The following CHD9NB variants were observed in gnomAD, a reference collection of about 807,000 sequenced individuals.
CHD9NB encodes CHD9 neighbor.
chr16:53,035,856 T>A, the CHD9NB span: 1 of 152,064 alleles, frequency 6.6e-6, no homozygotes, highest in South Asian at 2.1e-4. Context: ...TTTTAGCCAC[T>A]TGGAAGGCTG....
chr16:53,042,501 TC>T, the CHD9NB span, among the ~76,000 whole-genome samples: 8 of 140,960 alleles, frequency 5.7e-5, no homozygotes, highest in Non-Finnish European at 9.2e-5. Flanking sequence ...TTCTCTCCCT[TC>T]CCCCCTCCTC....
chr16:53,040,009 T>G, the CHD9NB span, among the ~76,000 whole-genome samples: 16 of 152,068 alleles, frequency 1.1e-4, no homozygotes, highest in Admixed American at 7.2e-4. Context: ...GACACCCCAC[T>G]GCGCCCATCA....
chr16:53,049,654 G>T, the CHD9NB span, among the ~76,000 whole-genome samples: 33,860 of 152,044 alleles, frequency 0.22, 4,079 homozygotes, highest in South Asian at 0.34. Context: ...AGAAGGATGC[G>T]CAGAATATCA....
At chr16:53,048,677 T>C in the CHD9NB span, among the ~76,000 whole-genome samples, 2 of 152,276 alleles carry the variant, frequency 1.3e-5, 1 homozygote, top group Admixed American at 1.3e-4. Flanking sequence ...CTGTGCAGTT[T>C]ACAGAACTTT....
the CHD9NB span, among the ~76,000 whole-genome samples, chr16:53,046,442 C>A: frequency 5.3e-5 from 8 of 151,640 alleles, no homozygotes; most frequent in Non-Finnish European, 7.4e-5. Context: ...TTTAGGAGGC[C>A]GAGGCGGGTG....
At chr16:53,044,403 C>T in the CHD9NB span, 1 of 377,706 alleles carries the variant, frequency 2.6e-6, no homozygotes, top group Non-Finnish European at 4.7e-6. Context: ...GTGCCCCATT[C>T]ATTCCACCAG....
the CHD9NB span, among the ~76,000 whole-genome samples, chr16:53,045,431 C>A: frequency 1.3e-5 from 2 of 152,272 alleles, no homozygotes; most frequent in South Asian, 4.1e-4. Context: ...CTTAGTGAAG[C>A]CTCGTGTTCT....
the CHD9NB span, chr16:53,042,685 C>T: frequency 6.6e-6 from 1 of 152,174 alleles, no homozygotes; most frequent in African/African-American, 2.4e-5. Flanking sequence ...ACATACTTCT[C>T]AATAGGCAGG....
chr16:53,048,575 C>T, the CHD9NB span, among the ~76,000 whole-genome samples: 1 of 152,236 alleles, frequency 6.6e-6, no homozygotes, highest in African/African-American at 2.4e-5. Flanking sequence ...CACTCACTTA[C>T]TCATTCAAAC....
chr16:53,041,352 C>T, the CHD9NB span, among the ~76,000 whole-genome samples: 1 of 152,154 alleles, frequency 6.6e-6, no homozygotes, highest in South Asian at 2.1e-4. Context: ...CAGTGGATAA[C>T]GGGAATGTCC....
the CHD9NB span, chr16:53,043,573 A>G: frequency 6.4e-6 from 1 of 155,078 alleles, no homozygotes; most frequent in African/African-American, 2.4e-5. Context: ...GGAGAAAGAA[A>G]GAGAGCAAAC....
the CHD9NB span, among the ~76,000 whole-genome samples, chr16:53,039,328 T>A: frequency 6.6e-5 from 10 of 152,190 alleles, no homozygotes; most frequent in African/African-American, 1.7e-4. Context: ...TCTGCTCCAC[T>A]CTGCTCTGTG....
At chr16:53,038,010 A>C in the CHD9NB span, among the ~76,000 whole-genome samples, 3 of 152,228 alleles carry the variant, frequency 2.0e-5, no homozygotes, top group Non-Finnish European at 4.4e-5. Context: ...GACCCAGGAA[A>C]GCCAGTGGTG....
At chr16:53,052,493 G>A in the CHD9NB span, among the ~76,000 whole-genome samples, 1 of 152,174 alleles carries the variant, frequency 6.6e-6, no homozygotes, top group Non-Finnish European at 1.5e-5. Context: ...AAACAGATCT[G>A]TTGATAACTC....
chr16:53,039,368 G>C, the CHD9NB span, among the ~76,000 whole-genome samples: 1 of 152,058 alleles, frequency 6.6e-6, no homozygotes, highest in East Asian at 1.9e-4. Flanking sequence ...CCTTCTCAGT[G>C]GTTAAGAGTT....
the CHD9NB span, among the ~76,000 whole-genome samples, chr16:53,040,105 GC>G: frequency 1.3e-5 from 2 of 151,644 alleles, no homozygotes; most frequent in Non-Finnish European, 2.9e-5. Flanking sequence ...TCACTCTGTC[GC>G]CAGGATAGAG....
At chr16:53,041,098 A>G in the CHD9NB span, among the ~76,000 whole-genome samples, 1 of 152,184 alleles carries the variant, frequency 6.6e-6, no homozygotes, top group Non-Finnish European at 1.5e-5. Context: ...TGGATAATGG[A>G]TGGAAAGATG....
chr16:53,046,873 C>A, the CHD9NB span, among the ~76,000 whole-genome samples: 4 of 152,152 alleles, frequency 2.6e-5, no homozygotes, highest in Non-Finnish European at 4.4e-5. Flanking sequence ...GCCCATGAAT[C>A]CAGCCCTGTC....
At chr16:53,050,989 G>T in the CHD9NB span, among the ~76,000 whole-genome samples, 2 of 151,800 alleles carry the variant, frequency 1.3e-5, no homozygotes, top group African/African-American at 4.8e-5. Context: ...TCGGGTTCAC[G>T]CCATTCTCCT....
Sources: gnomAD v4.1 joint callset for allele counts (sites outside exome capture counted in the v4.1 genomes callset) on GRCh38, gnomAD v4.1.1 for gene constraint, MANE v1.5 for transcripts, NCBI Gene and HGNC (gene_info 2026-07-23, HGNC 2026-07-21) for gene names.